Variants in MOGAT3 observed in about 807,000 individuals in gnomAD.
The protein encoded by MOGAT3 is monoacylglycerol O-acyltransferase 3, also known as 2-acylglycerol O-acyltransferase 3.
Under a neutral mutation model 34.4 loss-of-function variants are expected in MOGAT3, and 39 were observed. The ratio of observed to expected loss-of-function variants is 1.13; its 90% CI spans 0.88 to 1.48. MOGAT3 has a LOEUF of 1.48. MOGAT3 is among the 40% of genes most tolerant of loss of function. The pLI, the probability that MOGAT3 is intolerant of heterozygous loss-of-function variation, is 0.00. For synonymous variants in MOGAT3, 209 were observed against 179.2 expected (o/e 1.17, Z -1.33); for missense variants, 439 against 438.9 (o/e 1.00, Z 0.00).
At chr7:101,193,301 G>A (rs11981526), downstream of MOGAT3, among the ~76,000 whole-genome samples, 1,022 of 152,224 alleles carry the variant, frequency 6.7e-3, 10 homozygotes, top group African/African-American at 0.023. Context: ...TCTATTGGCC[G>A]GATTGTGACT....
chr7:101,195,525 T>C lies in MOGAT3; in HGVS notation c.*421A>G, dbSNP rs2116759442. Reference sequence around the variant, plus strand: ...CCACCACGCCCAGCCTACTACAGCTTTAACAGTCTTTTTTTTTTTTTTTTT... The same window carrying C: ...CCACCACGCCCAGCCTACTACAGCTCTAACAGTCTTTTTTTTTTTTTTTTT... On this transcript the variant is annotated 3_prime_UTR_variant, in exon 7 of 7. Coordinates refer to ENST00000223114, the MANE Select transcript of MOGAT3 (RefSeq NM_178176.4). 1 of 163,220 alleles carries C rather than the reference T, an allele frequency of 6.1e-6. No individual in the cohort carries two copies. The highest frequency in any genetic ancestry group is 2.6e-5 in the African/African-American group (1 of 38,072). 10.1% of individuals were successfully genotyped at this position (163,220 alleles called of 1,614,324 possible). A position where few individuals can be genotyped will look rare whatever the true frequency, so the allele number is the denominator to read the frequency against.
intron 4 of MOGAT3, 87 bp from the exon 5 acceptor site, chr7:101,198,452 A>G (rs1279162038): frequency 2.1e-6 from 3 of 1,410,578 alleles, no homozygotes; most frequent in Middle Eastern, 2.6e-4. Context: ...CAAGCCCCCT[A>G]CCCCCATCTC....
Position 101,195,864 on chromosome 7 carries a change from T to TTA in MOGAT3, c.*81_*82insTA. On this transcript the variant is annotated 3_prime_UTR_variant, in exon 7 of 7. Coordinates refer to ENST00000223114, the MANE Select transcript of MOGAT3 (RefSeq NM_178176.4). ...CACTGCGCTGGGCCCAGAACTACCT[T>TTA]TTATTGGAGGCATGGAGTCCACAGT... 1 of 1,451,854 alleles carries TTA rather than the reference T, an allele frequency of 6.9e-7. No individual in the cohort carries two copies. Among genetic ancestry groups the TTA allele is most frequent in the Non-Finnish European group, 9.6e-7 (1 of 1,042,732 alleles). The allele number at this position is 1,451,854 out of a possible 1,614,324, so 89.9% of individuals were successfully genotyped here. A position where few individuals can be genotyped will look rare whatever the true frequency, so the allele number is the denominator to read the frequency against.
At chr7:101,193,458 C>G (rs1462243557), downstream of MOGAT3, among the ~76,000 whole-genome samples, 4 of 151,922 alleles carry the variant, frequency 2.6e-5, no homozygotes, top group Non-Finnish European at 5.9e-5. Flanking sequence ...TTGACACAGT[C>G]TTACTCTGTC....
intron 4 of MOGAT3, 106 bp from the exon 5 acceptor site, chr7:101,198,471 G>C: frequency 7.3e-7 from 1 of 1,372,276 alleles, no homozygotes; most frequent in Non-Finnish European, 9.7e-7. Flanking sequence ...TCCAAGGCGG[G>C]GAACCTACCC....
At chr7:101,199,682 A>G (rs1262521124) in intron 3 of MOGAT3, among the ~76,000 whole-genome samples, 1 of 144,664 alleles carries the variant, frequency 6.9e-6, no homozygotes, top group Non-Finnish European at 1.5e-5. Context: ...TGGCGCAATC[A>G]TGGCTCACTA....
rs145975332 is a variant in MOGAT3, at chr7:101,198,755, C to T, written c.364G>A (p.Gly122Ser). 3.3e-4 allele frequency: 526 copies of T among 1,613,354 alleles called. No homozygotes were observed. The highest frequency in any genetic ancestry group is 4.2e-4 in the Non-Finnish European group (496 of 1,179,790). The change falls in exon 4 of 7, where the codon GGC (glycine) becomes AGC (serine). Residue 122 changes from glycine (G) to serine (S), a missense_variant. By Grantham distance (56) the Gly-to-Ser change is moderately conservative. Transcript: ENST00000223114. ...GAHPHGIMCT[G>S]FLCNFSTESN... ...TCGGTGGAGAAATTACAGAGGAAGC[C>T]TGTACACATGATCCCATGAGGGTGG...
At chr7:101,200,113 T>C in intron 3 of MOGAT3, 121 bp downstream of exon 3, 3 of 791,234 alleles carry the variant, frequency 3.8e-6, no homozygotes, top group South Asian at 1.5e-5. Context: ...ATCCATTCCC[T>C]GTCCCACTGC....
chr7:101,196,068 G>A lies in MOGAT3; in HGVS notation c.904C>T (p.His302Tyr), dbSNP rs896903999. 6.2e-7 allele frequency: 1 copy of A among 1,612,956 alleles called. No individual in the cohort carries two copies. The change falls in exon 7 of 7, where the codon CAC (histidine) becomes TAC (tyrosine). Residue 302 changes from histidine to tyrosine, a missense_variant. Transcript: ENST00000223114. The part of the protein sequence containing the change: ...GRPIPVPQRL[H>Y]PTEEEVNHYH... ...TGATTGACTTCCTCCTCGGTGGGGT[G>A]GAGGCGCTGGGGGACGGGGATGGGG...
At chr7:101,198,874 C>T in intron 3 of MOGAT3, 44 bp from the exon 4 acceptor site, 5 of 1,583,816 alleles carry the variant, frequency 3.2e-6, no homozygotes, top group Non-Finnish European at 4.3e-6. Flanking sequence ...GAAGGCAAGA[C>T]ACCGGCTGAA....
At chr7:101,196,124 G>T in intron 6 of MOGAT3, 24 bp from the exon 7 acceptor site, 2 of 1,591,140 alleles carry the variant, frequency 1.3e-6, no homozygotes, top group Non-Finnish European at 1.7e-6. Flanking sequence ...GAGACAGGTG[G>T]GCGAGGGATC....
intron 2 of MOGAT3, 37 bp downstream of exon 2, chr7:101,200,371 C>T: frequency 6.2e-7 from 1 of 1,610,028 alleles, no homozygotes; most frequent in Non-Finnish European, 8.5e-7. Context: ...CATGTCCCCA[C>T]CATCTCTGGC....
intron 3 of MOGAT3, 145 bp downstream of exon 3, chr7:101,200,089 A>T: frequency 6.8e-6 from 1 of 147,538 alleles, no homozygotes; most frequent in Non-Finnish European, 1.5e-5. Flanking sequence ...GACTCAGTCT[A>T]AAAAAAAAAA....
chr7:101,198,295 G>T lies in MOGAT3; in HGVS notation c.564C>A (p.Val188=). 6.2e-7 allele frequency: 1 copy of T among 1,603,790 alleles called. No homozygotes were observed. Among genetic ancestry groups the T allele is most frequent in the Non-Finnish European group, 8.5e-7 (1 of 1,174,436 alleles). ...CCTCGTGCGCACCCCCCACCATGATGACCACGGCCTGCCCGAGCTGGGGCT... is the reference window on the plus strand; with the variant it reads ...CCTCGTGCGCACCCCCCACCATGATTACCACGGCCTGCCCGAGCTGGGGCT... The part of the protein sequence containing the change: ...LSQPQLGQAV[V]IMVGGAHEAL... Residue 188 remains valine, a synonymous_variant, in exon 5 of 7, where the codon GTC becomes GTA. Transcript: ENST00000223114.
At position 101,200,378 on chromosome 7, in the gene MOGAT3, T is replaced by C. The variant is rs773446334; in HGVS notation, c.217+30A>G. 5 of 1,608,168 alleles carry C rather than the reference T, an allele frequency of 3.1e-6. No individual in the cohort carries two copies. In the South Asian group the frequency reaches 5.5e-5, roughly 18 times the overall value. ...TCACCCCCCATGTCCCCACCATCTC[T>C]GGCTACCTGGGCCCCCATCCGGAGC... On this transcript the variant is annotated intron_variant, in intron 2 of 6. Coordinates refer to ENST00000223114, the MANE Select transcript of MOGAT3 (RefSeq NM_178176.4).
At chr7:101,200,150 G>A in intron 3 of MOGAT3, 84 bp downstream of exon 3, 1 of 1,186,280 alleles carries the variant, frequency 8.4e-7, no homozygotes, top group East Asian at 2.3e-5. Flanking sequence ...GGGAGCTCAG[G>A]CCCCAGCACA....
At chr7:101,194,742 C>A (rs1355387145), downstream of MOGAT3, among the ~76,000 whole-genome samples, 2 of 151,994 alleles carry the variant, frequency 1.3e-5, no homozygotes, top group Admixed American at 6.6e-5. Context: ...ACCTCGTGAT[C>A]CGCCCGCCTC....
In MOGAT3 at chr7:101,196,300, T is replaced by C. The variant is rs564005600; in HGVS notation, c.758A>G (p.Gln253Arg). The C allele has an allele frequency of 6.2e-7, 1 of 1,613,900 alleles. No homozygotes were observed. The highest frequency in any genetic ancestry group is 2.2e-5 in the East Asian group (1 of 44,874). The change falls in exon 6 of 7, where the codon CAG (glutamine) becomes CGG (arginine). Residue 253 changes from glutamine (Q) to arginine (R), a missense_variant. Physicochemically the swap from Gln to Arg is conservative, Grantham distance 43. Coordinates refer to ENST00000223114, the MANE Select transcript of MOGAT3 (RefSeq NM_178176.4). Reference protein sequence around the residue: ...FATGSWQHWCQLTFKKLMGFS... With the variant: ...FATGSWQHWCRLTFKKLMGFS... ...GCCCATGAGCTTCTTGAAGGTGAGC[T>C]GGCACCAATGCTGCCAGGAGCCTGT...
chr7:101,196,694 C>A (rs749773983), intron 5 of MOGAT3, among the ~76,000 whole-genome samples: 1 of 152,056 alleles, frequency 6.6e-6, no homozygotes, highest in East Asian at 1.9e-4. Flanking sequence ...CATGGTGAAA[C>A]CCCCGTCTCT....
Sources: gnomAD v4.1 joint callset for allele counts (sites outside exome capture counted in the v4.1 genomes callset) on GRCh38, gnomAD v4.1.1 for gene constraint, MANE v1.5 for transcripts, NCBI Gene and HGNC (gene_info 2026-07-23, HGNC 2026-07-21) for gene names.